Variants in PLEKHA7 observed in about 807,000 individuals in gnomAD.
PLEKHA7 encodes the protein pleckstrin homology domain containing A7, also known as pleckstrin homology domain-containing family A member 7.
Under a neutral mutation model 170.0 loss-of-function variants are expected in PLEKHA7, and 104 were observed. The ratio of observed to expected loss-of-function variants is 0.61; its 90% CI spans 0.52 to 0.72. PLEKHA7 has a LOEUF of 0.72. Among genes scored for constraint, PLEKHA7 ranks in the 30% least tolerant of loss-of-function variants. The probability of loss-of-function intolerance (pLI) is 0.00; values close to 1 mark genes in which losing one functional copy is unlikely to be tolerated. For missense variants in PLEKHA7, 1,615 were observed against 1,671.7 expected, an observed-to-expected ratio of 0.97 and a Z score of 0.59; for synonymous variants, 648 against 660.8, an observed-to-expected ratio of 0.98 and a Z score of 0.30.
chr11:16,908,139 G>A (rs1317690193), intron 3 of PLEKHA7, among the ~76,000 whole-genome samples: 2 of 151,198 alleles, frequency 1.3e-5, no homozygotes, highest in Non-Finnish European at 3.0e-5. Context: ...AGGGCCGCAG[G>A]GTCCTCTGCC....
At chr11:16,913,583 A>T (rs1334588688) in intron 3 of PLEKHA7, among the ~76,000 whole-genome samples, 3 of 152,184 alleles carry the variant, frequency 2.0e-5, no homozygotes, top group Non-Finnish European at 4.4e-5. Context: ...CACTGAGGGG[A>T]AGCGACAGCA....
intron 3 of PLEKHA7, among the ~76,000 whole-genome samples, chr11:16,964,550 A>G (rs1052166862): frequency 6.6e-6 from 1 of 152,114 alleles, no homozygotes; most frequent in African/African-American, 2.4e-5. Context: ...GAACTTCCTG[A>G]GGGGCCTTGG....
intron 13 of PLEKHA7, 103 bp from the exon 14 acceptor site, chr11:16,803,398 G>C: frequency 1.7e-6 from 2 of 1,203,562 alleles, no homozygotes; most frequent in Non-Finnish European, 1.2e-6. Flanking sequence ...GTCCTTGGCA[G>C]TGGCAGGTAG....
chr11:16,973,397 G>T (rs1482313749), intron 3 of PLEKHA7, among the ~76,000 whole-genome samples: 1 of 152,088 alleles, frequency 6.6e-6, no homozygotes, highest in Admixed American at 6.6e-5. Flanking sequence ...CACCACACAG[G>T]GCTCCCAGAT....
At position 16,789,740 on chromosome 11, in the gene PLEKHA7, A is replaced by G. The variant is rs777020845; in HGVS notation, c.3156+35T>C. 6.5e-7 allele frequency: 1 copy of G among 1,542,594 alleles called. No individual in the cohort carries two copies. Among genetic ancestry groups the G allele is most frequent in the South Asian group, 1.1e-5 (1 of 88,892 alleles). On this transcript the variant is annotated intron_variant, in intron 22 of 26. Coordinates refer to ENST00000531066, the MANE Select transcript of PLEKHA7 (RefSeq NM_001329630.2). This position sits in a 1 kb window ranked among gnomAD's most constrained non-coding sequence, Gnocchi z 4.6. The stretch of plus-strand genomic sequence containing the variant: ...GAGACCCTCCCTCCCCATGTGAAGG[A>G]GCAGGGAGGTCCTCGACAGCTCAAG...
At chr11:17,014,094 C>A in intron 2 of PLEKHA7, 31 bp downstream of exon 2, 2 of 1,585,772 alleles carry the variant, frequency 1.3e-6, no homozygotes, top group African/African-American at 1.3e-5. Context: ...CGCCGCTGCG[C>A]GCGCCCCCCA....
At chr11:16,813,403 T>C in intron 12 of PLEKHA7, 1 of 432,558 alleles carries the variant, frequency 2.3e-6, no homozygotes. Context: ...CCCCACTGGC[T>C]AGGGGAAGAG....
chr11:16,779,537 C>A (rs1390587134), intron 26 of PLEKHA7, among the ~76,000 whole-genome samples: 2 of 152,216 alleles, frequency 1.3e-5, no homozygotes, highest in African/African-American at 4.8e-5. Context: ...GTGCTCAGAT[C>A]TCTAGGAGAA....
intron 26 of PLEKHA7, among the ~76,000 whole-genome samples, 159 bp from the exon 27 acceptor site, chr11:16,779,179 C>T (rs1004463709): frequency 6.6e-6 from 1 of 152,176 alleles, no homozygotes; most frequent in Non-Finnish European, 1.5e-5. Context: ...TTCCAGGACA[C>T]ATGGGGCTCT....
intron 6 of PLEKHA7, 77 bp from the exon 7 acceptor site, chr11:16,852,432 C>T: frequency 7.9e-7 from 1 of 1,258,176 alleles, no homozygotes; most frequent in Non-Finnish European, 1.1e-6. Flanking sequence ...CAACCTGATT[C>T]CAGAACCAAA....
Position 16,826,575 on chromosome 11 carries a change from C to T in PLEKHA7, c.888G>A (p.Val296=), listed in dbSNP as rs1850671104. 2 of 1,612,994 alleles carry T rather than the reference C, an allele frequency of 1.2e-6. No homozygotes were observed. Among genetic ancestry groups the T allele is most frequent in the Non-Finnish European group, 8.5e-7 (1 of 1,179,734 alleles). The change falls in exon 10 of 27, where the codon GTG becomes GTA. Residue 296 remains valine (V), a synonymous_variant. Coordinates refer to ENST00000531066, the MANE Select transcript of PLEKHA7 (RefSeq NM_001329630.2). ...RSSLKRDMEK[V]ERQAVPQANH... is the part of the protein sequence containing the mutation. ...TGGCCTGGGGGACAGCCTGCCGCTC[C>T]ACCTTCTCCATATCCCTGCAATGAC...
chr11:16,827,740 A>C (rs1203188628), intron 9 of PLEKHA7, among the ~76,000 whole-genome samples: 1 of 151,862 alleles, frequency 6.6e-6, no homozygotes, highest in Non-Finnish European at 1.5e-5. Flanking sequence ...GAGGCAAGAG[A>C]ACTTGCTCCA....
intron 8 of PLEKHA7, among the ~76,000 whole-genome samples, chr11:16,846,327 G>T (rs1354613772): frequency 1.3e-5 from 2 of 150,894 alleles, no homozygotes; most frequent in African/African-American, 4.9e-5. Flanking sequence ...GGAGAAAAGA[G>T]AAGAGAAGAG....
chr11:16,935,686 T>TA (rs1860240724), intron 3 of PLEKHA7, among the ~76,000 whole-genome samples: 1 of 152,236 alleles, frequency 6.6e-6, no homozygotes, highest in Admixed American at 6.5e-5. Context: ...CCACCCTAAG[T>TA]GCCTTCTTCA....
chr11:16,808,431 C>A (rs918950279), intron 13 of PLEKHA7, among the ~76,000 whole-genome samples: 3 of 152,160 alleles, frequency 2.0e-5, no homozygotes, highest in Non-Finnish European at 4.4e-5. Flanking sequence ...TTCAATAGAA[C>A]CCTCCAGGTC....
intron 3 of PLEKHA7, among the ~76,000 whole-genome samples, chr11:16,894,142 T>TC (rs1051263452): frequency 6.6e-6 from 1 of 152,064 alleles, no homozygotes; most frequent in African/African-American, 2.4e-5. Context: ...ACTTCGTTCC[T>TC]CCCCTGCCCA....
chr11:16,935,357 C>T (rs1860212820), intron 3 of PLEKHA7, among the ~76,000 whole-genome samples: 1 of 152,264 alleles, frequency 6.6e-6, no homozygotes, highest in South Asian at 2.1e-4. Context: ...CGCTTGAACC[C>T]GTTGCAGTGA....
intron 3 of PLEKHA7, among the ~76,000 whole-genome samples, chr11:16,925,875 T>G (rs1000635753): frequency 6.6e-6 from 1 of 152,130 alleles, no homozygotes; most frequent in African/African-American, 2.4e-5. Flanking sequence ...CCTTTCCTCG[T>G]AGAGGATGCT....
At chr11:16,808,781 C>T (rs1354646714) in intron 13 of PLEKHA7, among the ~76,000 whole-genome samples, 1 of 152,198 alleles carries the variant, frequency 6.6e-6, no homozygotes, top group Non-Finnish European at 1.5e-5. Context: ...CCCCACCCTT[C>T]TGACTCAGCT....
Sources: allele counts gnomAD v4.1 joint callset (sites outside exome capture counted in the v4.1 genomes callset), GRCh38; gene constraint gnomAD v4.1.1; non-coding constraint Gnocchi (gnomAD v3.1); transcripts MANE v1.5; gene names NCBI Gene and HGNC (gene_info 2026-07-23, HGNC 2026-07-21).